SPEG: variants seen among roughly 807,000 people sequenced by gnomAD.
SPEG encodes the protein striated muscle preferentially expressed protein kinase.
Under a neutral mutation model 300.4 loss-of-function variants are expected in SPEG, and 114 were observed. The ratio of observed to expected loss-of-function variants is 0.38; its 90% CI spans 0.33 to 0.44. The LOEUF (loss-of-function observed/expected upper bound fraction) is 0.44, where lower values mean the gene tolerates loss of function less well. Among genes scored for constraint, SPEG ranks in the 20% least tolerant of loss-of-function variants. SPEG has a pLI of 1.00. For missense variants in SPEG, 4,201 were observed against 4,586.2 expected (o/e 0.92, Z 2.43); for synonymous variants, 1,964 against 2,018.9 (o/e 0.97, Z 0.73).
chr2:219,461,088 C>T, intron 6 of SPEG: 1 of 910,208 alleles, frequency 1.1e-6, no homozygotes, highest in Non-Finnish European at 1.3e-6. Flanking sequence ...CTGTATTTGG[C>T]AGTCGGATAG....
intron 3 of SPEG, among the ~76,000 whole-genome samples, chr2:219,446,262 A>T (rs1575049322): frequency 6.6e-6 from 1 of 152,132 alleles, no homozygotes; most frequent in East Asian, 1.9e-4. Flanking sequence ...GCCTTTCTTT[A>T]CCAGGCCCCA....
rs1460444136 is a variant in SPEG, at chr2:219,488,231, G to A, written c.7779G>A (p.Gln2593=). The change falls in exon 32 of 41, where the codon CAG becomes CAA. Residue 2593 remains glutamine, a synonymous_variant. Transcript: ENST00000312358. ...PPVFHIKLKD[Q]VLLEGEAATL... ...TCTTCCACATCAAACTCAAGGACCA[G>A]GTGCTGCTGGAGGGGGAGGCAGCCA... 6.2e-7 allele frequency: 1 copy of A among 1,613,616 alleles called. No individual in the cohort carries two copies. The highest frequency in any genetic ancestry group is 2.2e-5 in the East Asian group (1 of 44,874).
In SPEG at chr2:219,479,126, C is replaced by T. The variant is rs1310689214; in HGVS notation, c.5028-18C>T. The T allele has an allele frequency of 6.2e-7, 1 of 1,612,698 alleles. No individual in the cohort carries two copies. The highest frequency in any genetic ancestry group is 8.5e-7 in the Non-Finnish European group (1 of 1,179,634). On this transcript the variant is annotated intron_variant, in intron 22 of 40. Coordinates refer to ENST00000312358, the MANE Select transcript of SPEG (RefSeq NM_005876.5). The surrounding 1 kb of genome is among the most constrained non-coding windows in gnomAD (Gnocchi z 5.5). ...GGCAGTTGGCACTGGGCACTGTTCT[C>T]CTTGATCTGGGATGTAGCTGCACAG...
At chr2:219,449,408 C>A in intron 4 of SPEG, 137 bp downstream of exon 4, 2 of 607,814 alleles carry the variant, frequency 3.3e-6, no homozygotes, top group Non-Finnish European at 5.0e-6. Context: ...GGTGGGTTTG[C>A]CAAAGAAGGC....
chr2:219,485,205 G>A (rs1442121130), intron 30 of SPEG, 133 bp downstream of exon 30: 1 of 1,483,720 alleles, frequency 6.7e-7, no homozygotes, highest in Non-Finnish European at 9.1e-7. Context: ...AATCAGCAGG[G>A]CTGGAGGGGA....
chr2:219,486,956 G>T (rs960197222), intron 31 of SPEG, among the ~76,000 whole-genome samples: 2 of 152,102 alleles, frequency 1.3e-5, no homozygotes, highest in Non-Finnish European at 2.9e-5. Context: ...CTGCCATCCT[G>T]ATCACCACAC....
chr2:219,480,101 T>C lies in SPEG; in HGVS notation c.5303T>C (p.Ile1768Thr), dbSNP rs1382597576. ...ACACCTGAGTTTGTAGCACCCGAGA[T>C]TGTCAATCAGAGCCCCGTGTCTGGA... ...YGTPEFVAPE[I>T]VNQSPVSGVT... The change falls in exon 25 of 41, where the codon ATT (isoleucine) becomes ACT (threonine). Residue 1768 changes from isoleucine to threonine, a missense_variant. This residue lies in a region of SPEG where 1,047 missense variants were observed against 1,356.8 expected (regional missense o/e 0.77). Transcript: ENST00000312358. The surrounding 1 kb of genome is among the most constrained non-coding windows in gnomAD (Gnocchi z 5.3). The C allele has an allele frequency of 6.2e-7, 1 of 1,613,744 alleles. No individual in the cohort carries two copies.
chr2:219,472,915 G>A lies in SPEG; in HGVS notation c.3966G>A (p.Val1322=). 1 of 1,612,160 alleles carries A rather than the reference G, an allele frequency of 6.2e-7. No individual in the cohort carries two copies. Among genetic ancestry groups the A allele is most frequent in the Non-Finnish European group, 8.5e-7 (1 of 1,178,870 alleles). The change falls in exon 16 of 41, where the codon GTG becomes GTA. Residue 1322 remains valine (V), a synonymous_variant. Coordinates refer to ENST00000312358, the MANE Select transcript of SPEG (RefSeq NM_005876.5). ...ACCCGGACTCCCTGACGTACACAGT[G>A]CAGCACCAGGTGCTGGGCTCGGACC... ...AIDPDSLTYT[V]QHQVLGSDQW...
In SPEG at chr2:219,488,881, G is replaced by A. The variant is rs564063712; in HGVS notation, c.8130G>A (p.Thr2710=). 25 of 1,584,850 alleles carry A rather than the reference G, an allele frequency of 1.6e-5. No homozygotes were observed. Among genetic ancestry groups the A allele is most frequent in the Middle Eastern group, 1.7e-4 (1 of 5,826 alleles). ...ACAGCCGGGCACCTTGCACGTATAC[G>A]CTGGAGCGGCGAGTGGATGGTGAGG... The part of the protein sequence containing the change: ...PGDSRAPCTY[T]LERRVDGESV... Residue 2710 remains threonine, a synonymous_variant, in exon 34 of 41, where the codon ACG becomes ACA. Transcript: ENST00000312358.
rs772285452 is a variant in SPEG, at chr2:219,444,753, G to A, written c.478+11G>A. On this transcript the variant is annotated intron_variant, in intron 2 of 40. Transcript: ENST00000312358. This position sits in a 1 kb window ranked among gnomAD's most constrained non-coding sequence, Gnocchi z 7.8. ...TCAGCACCCCCACGGGTGAGCTCCT[G>A]GGGTGTACAAAGAGCAGGCAGGCGG... 2 of 1,613,662 alleles carry A rather than the reference G, an allele frequency of 1.2e-6. No homozygotes were observed. The highest frequency in any genetic ancestry group is 3.3e-5 in the Admixed American group (2 of 59,962).
intron 9 of SPEG, chr2:219,465,889 G>A (rs1475716096): frequency 6.3e-6 from 4 of 637,854 alleles, no homozygotes; most frequent in East Asian, 5.7e-5. Context: ...GCGTGTGCAT[G>A]TGTGCGTATG....
At position 219,489,404 on chromosome 2, in the gene SPEG, C is replaced by G. The variant is rs1222916948; in HGVS notation, c.8386C>G (p.Pro2796Ala). 1.2e-6 allele frequency: 2 copies of G among 1,613,344 alleles called. No individual in the cohort carries two copies. Among genetic ancestry groups the G allele is most frequent in the Admixed American group, 3.3e-5 (2 of 59,968 alleles). ...CACCTCAAGGCCAGCCAGGGCCCGG[C>G]CTCCTGACTCTCCTACCTCACTGGC... ...PVTSRPARAR[P>A]PDSPTSLAPP... The change falls in exon 36 of 41, where the codon CCT becomes GCT. Residue 2796 changes from proline (P) to alanine (A), a missense_variant. Physicochemically the swap from Pro to Ala is conservative, Grantham distance 27. Around this residue, in one of 4 missense-constraint regions of SPEG, gnomAD observed 1,578 missense variants for 1,506.0 expected, o/e 1.05. Transcript: ENST00000312358.
chr2:219,485,373 G>A lies in SPEG; in HGVS notation c.7637G>A (p.Arg2546His), dbSNP rs750554809. Residue 2546 changes from arginine to histidine, a missense_variant, in exon 31 of 41, where the codon CGC (arginine) becomes CAC (histidine). Around this residue, in one of 4 missense-constraint regions of SPEG, gnomAD observed 1,578 missense variants for 1,506.0 expected, o/e 1.05. Transcript: ENST00000312358. ...SAPGESRSRL[R>H]WGFSRPRKDK... ...CCAGGGGAAAGCCGAAGCCGGCTCCGCTGGGGCTTCTCTCGGCCGCGGAAG... is the reference window on the plus strand; with the variant it reads ...CCAGGGGAAAGCCGAAGCCGGCTCCACTGGGGCTTCTCTCGGCCGCGGAAG... The A allele has an allele frequency of 3.1e-6, 5 of 1,607,128 alleles. No homozygotes were observed. Among genetic ancestry groups the A allele is most frequent in the East Asian group, 2.2e-5 (1 of 44,504 alleles).
At chr2:219,467,487 A>T in intron 10 of SPEG, 53 bp downstream of exon 10, 3 of 1,558,486 alleles carry the variant, frequency 1.9e-6, no homozygotes, top group Admixed American at 3.4e-5. Context: ...AGCTGGAGGG[A>T]GGGGACTGGG....
chr2:219,480,118 G>A lies in SPEG; in HGVS notation c.5320G>A (p.Val1774Met), dbSNP rs1377437646. 2 of 1,613,854 alleles carry A rather than the reference G, an allele frequency of 1.2e-6. No homozygotes were observed. The highest frequency in any genetic ancestry group is 1.7e-6 in the Non-Finnish European group (2 of 1,179,992). The change falls in exon 25 of 41, where the codon GTG (valine) becomes ATG (methionine). Residue 1774 changes from valine (V) to methionine (M), a missense_variant. This residue lies in a region of SPEG where 1,047 missense variants were observed against 1,356.8 expected (regional missense o/e 0.77). Coordinates refer to ENST00000312358, the MANE Select transcript of SPEG (RefSeq NM_005876.5). This position sits in a 1 kb window ranked among gnomAD's most constrained non-coding sequence, Gnocchi z 5.3. ...ACCCGAGATTGTCAATCAGAGCCCC[G>A]TGTCTGGAGTCACTGACATCTGGTA... ...VAPEIVNQSPVSGVTDIWPVG... is the reference protein window; with the variant it reads ...VAPEIVNQSPMSGVTDIWPVG...
rs768570387 is a variant in SPEG, at chr2:219,488,326, C to T, written c.7858+16C>T. 4.4e-6 allele frequency: 7 copies of T among 1,588,340 alleles called. No individual in the cohort carries two copies. Among genetic ancestry groups the T allele is most frequent in the Middle Eastern group, 1.7e-4 (1 of 5,984 alleles). On this transcript the variant is annotated intron_variant, in intron 32 of 40. Coordinates refer to ENST00000312358, the MANE Select transcript of SPEG (RefSeq NM_005876.5). ...TGGATGAAAGGTAAGGAGACTCTGT[C>T]TCCCACAGAGAGGGAGGCCAGCAAG...
Position 219,479,012 on chromosome 2 carries a change from G to C in SPEG, c.5028-132G>C. ...GGGGGTACACGTGGAGGAGCGGAGA[G>C]GCAGTCTCTGGCTAGTATCAAGCAT... On this transcript the variant is annotated intron_variant, in intron 22 of 40. Coordinates refer to ENST00000312358, the MANE Select transcript of SPEG (RefSeq NM_005876.5). This position sits in a 1 kb window ranked among gnomAD's most constrained non-coding sequence, Gnocchi z 5.5. The C allele has an allele frequency of 1.3e-6, 1 of 746,828 alleles. No homozygotes were observed. Among genetic ancestry groups the C allele is most frequent in the Non-Finnish European group, 2.3e-6 (1 of 433,640 alleles). The allele number at this position is 746,828 out of a possible 1,614,324, so 46.3% of individuals were successfully genotyped here.
chr2:219,441,512 T>C (rs1381864780), intron 1 of SPEG: 1 of 470,080 alleles, frequency 2.1e-6, no homozygotes, highest in Non-Finnish European at 4.4e-6. Flanking sequence ...CGGTTCTGCC[T>C]GGCACAGTGT....
intron 31 of SPEG, among the ~76,000 whole-genome samples, chr2:219,487,531 A>G (rs2125581232): frequency 6.6e-6 from 1 of 152,302 alleles, no homozygotes; most frequent in Non-Finnish European, 1.5e-5. Context: ...TGACTTGCCC[A>G]AGGTCAGGCA....
Sources: allele counts gnomAD v4.1 joint callset (sites outside exome capture counted in the v4.1 genomes callset), GRCh38; gene constraint gnomAD v4.1.1; regional missense constraint gnomAD v4.1.1; non-coding constraint Gnocchi (gnomAD v3.1); transcripts MANE v1.5; gene names NCBI Gene and HGNC (gene_info 2026-07-23, HGNC 2026-07-21).